The following LEKR1 variants were observed in gnomAD, a reference collection of about 807,000 sequenced individuals.
LEKR1 encodes the protein protein LEKR1.
In LEKR1, 59 loss-of-function variants were observed where a neutral mutation model predicts 72.4. The ratio of observed to expected loss-of-function variants is 0.82; its 90% CI spans 0.66 to 1.01. The LOEUF is 1.01. Among genes scored for constraint, LEKR1 ranks in the 50% least tolerant of loss-of-function variants. The probability of loss-of-function intolerance (pLI) is 0.00; values close to 1 mark genes in which losing one functional copy is unlikely to be tolerated. For synonymous variants in LEKR1, 257 were observed against 263.2 expected (o/e 0.98, Z 0.23); for missense variants, 728 against 759.2 (o/e 0.96, Z 0.48).
At chr3:156,968,986 T>C (rs1201055873) in intron 6 of LEKR1, among the ~76,000 whole-genome samples, 2 of 151,904 alleles carry the variant, frequency 1.3e-5, no homozygotes, top group African/African-American at 4.8e-5. Context: ...TCAAAACTGC[T>C]CAACTATATG....
intron 3 of LEKR1, among the ~76,000 whole-genome samples, chr3:156,909,900 T>TA (rs143701093): frequency 0.018 from 2,780 of 152,256 alleles, 74 homozygotes; most frequent in African/African-American, 0.063. Flanking sequence ...TTTTTAACAC[T>TA]AACATATATA....
At chr3:156,941,863 G>A (rs997523113) in intron 5 of LEKR1, among the ~76,000 whole-genome samples, 2 of 152,018 alleles carry the variant, frequency 1.3e-5, no homozygotes, top group East Asian at 1.9e-4. Context: ...CATTTCTCAT[G>A]AAATTGTATA....
intron 2 of LEKR1, among the ~76,000 whole-genome samples, chr3:156,843,471 A>G (rs1714188151): frequency 6.6e-6 from 1 of 152,040 alleles, no homozygotes; most frequent in Admixed American, 6.6e-5. Context: ...ACAGGACACA[A>G]AAGTAAAAAA....
At chr3:157,044,855 A>G (rs1296511236) in intron 12 of LEKR1, among the ~76,000 whole-genome samples, 2 of 152,112 alleles carry the variant, frequency 1.3e-5, no homozygotes, top group African/African-American at 2.4e-5. Context: ...TTATTCTTTC[A>G]ATCTTATACT....
Position 156,927,453 on chromosome 3 carries a change from T to C in LEKR1, c.408T>C (p.Tyr136=). Residue 136 remains tyrosine (Y), a synonymous_variant, in exon 5 of 13, where the codon TAT becomes TAC. Transcript: ENST00000356539. The part of the protein sequence containing the change: ...IFSQRLSEYK[Y]FWNKTLSLLT... Reference sequence around the variant, plus strand: ...GTCAAAGATTGTCAGAGTACAAATATTTCTGGAATAAGACTCTTTCATTAC... The same window carrying C: ...GTCAAAGATTGTCAGAGTACAAATACTTCTGGAATAAGACTCTTTCATTAC... The C allele has an allele frequency of 8.8e-7, 1 of 1,134,642 alleles. No homozygotes were observed. Among genetic ancestry groups the C allele is most frequent in the Non-Finnish European group, 1.1e-6 (1 of 903,310 alleles). 70.3% of individuals were successfully genotyped at this position (1,134,642 alleles called of 1,614,324 possible). A position where few individuals can be genotyped will look rare whatever the true frequency, so the allele number is the denominator to read the frequency against.
intron 10 of LEKR1, among the ~76,000 whole-genome samples, chr3:157,013,832 T>C (rs1284742361): frequency 6.6e-6 from 1 of 152,076 alleles, no homozygotes; most frequent in Non-Finnish European, 1.5e-5. Context: ...GAAATGTTCT[T>C]TTTACAAATA....
intron 3 of LEKR1, among the ~76,000 whole-genome samples, chr3:156,907,997 T>C (rs1353965455): frequency 2.0e-5 from 3 of 152,138 alleles, no homozygotes; most frequent in Non-Finnish European, 4.4e-5. Flanking sequence ...TTTTGTAGAA[T>C]ATCCCTCAAT....
At chr3:156,982,641 G>T (rs1012407634) in intron 7 of LEKR1, among the ~76,000 whole-genome samples, 3 of 152,116 alleles carry the variant, frequency 2.0e-5, no homozygotes, top group African/African-American at 4.8e-5. Context: ...TGCTAAAGAG[G>T]TAGAGCTTTA....
chr3:156,904,674 A>T (rs1239328627), intron 3 of LEKR1, among the ~76,000 whole-genome samples: 1 of 150,698 alleles, frequency 6.6e-6, no homozygotes, highest in African/African-American at 2.4e-5. Flanking sequence ...ATATATATAT[A>T]TATTTGGAGA....
intron 7 of LEKR1, chr3:156,988,016 C>A (rs1384448436): frequency 2.6e-5 from 4 of 152,188 alleles, no homozygotes; most frequent in Non-Finnish European, 2.9e-5. Flanking sequence ...AAAGAAAAAA[C>A]AAACCTAAAC....
At chr3:156,908,961 G>A (rs1466076164) in intron 3 of LEKR1, among the ~76,000 whole-genome samples, 1 of 152,148 alleles carries the variant, frequency 6.6e-6, no homozygotes, top group East Asian at 1.9e-4. Context: ...GTTGTGGAAG[G>A]GACACAGTGG....
At chr3:156,835,803 T>A (rs1173820279) in intron 2 of LEKR1, among the ~76,000 whole-genome samples, 1 of 148,006 alleles carries the variant, frequency 6.8e-6, no homozygotes, top group East Asian at 2.1e-4. Context: ...CTCCCTTCCT[T>A]CCTTCCTTCC....
intron 2 of LEKR1, among the ~76,000 whole-genome samples, chr3:156,851,425 C>T (rs1715345881): frequency 6.6e-6 from 1 of 152,072 alleles, no homozygotes; most frequent in South Asian, 2.1e-4. Context: ...AAAGTAGTTT[C>T]CCATCATTTG....
chr3:156,914,605 C>G (rs1460853478), intron 3 of LEKR1, among the ~76,000 whole-genome samples: 2 of 152,076 alleles, frequency 1.3e-5, no homozygotes, highest in Non-Finnish European at 2.9e-5. Context: ...GCATTGTGAA[C>G]AGTGCTGCAA....
At chr3:156,897,447 T>C (rs1721309518) in intron 3 of LEKR1, among the ~76,000 whole-genome samples, 2 of 151,804 alleles carry the variant, frequency 1.3e-5, no homozygotes, top group Admixed American at 6.6e-5. Flanking sequence ...AGCTTGGTTT[T>C]ATACATTTTA....
At chr3:157,033,978 G>T (rs560246115) in intron 12 of LEKR1, among the ~76,000 whole-genome samples, 7 of 151,772 alleles carry the variant, frequency 4.6e-5, no homozygotes, top group Non-Finnish European at 1.5e-5. Context: ...GGACAACAAA[G>T]CCTGAATGAC....
chr3:156,888,588 A>C (rs1025322026), intron 3 of LEKR1: 4 of 497,448 alleles, frequency 8.0e-6, no homozygotes, highest in Non-Finnish European at 1.4e-5. Context: ...GAAGAAAGAG[A>C]GAGCTAATTA....
intron 10 of LEKR1, among the ~76,000 whole-genome samples, chr3:157,018,518 A>ACAATC (rs1393614583): frequency 2.0e-5 from 3 of 152,198 alleles, no homozygotes; most frequent in Non-Finnish European, 4.4e-5. Context: ...GTTAGCAGAA[A>ACAATC]GTTATCTGGA....
chr3:157,014,271 G>A (rs1042283776), intron 10 of LEKR1, among the ~76,000 whole-genome samples: 2 of 151,932 alleles, frequency 1.3e-5, no homozygotes, highest in East Asian at 1.9e-4. Flanking sequence ...ACTTAAGAAC[G>A]TTTTAGAATT....
Sources: allele counts gnomAD v4.1 joint callset (sites outside exome capture counted in the v4.1 genomes callset), GRCh38; gene constraint gnomAD v4.1.1; transcripts MANE v1.5; gene names NCBI Gene and HGNC (gene_info 2026-07-23, HGNC 2026-07-21).